Variants in PDE10A observed in about 807,000 individuals in gnomAD.
PDE10A encodes the protein phosphodiesterase 10A.
A neutral mutation model predicts 97.7 loss-of-function variants in PDE10A; 39 were observed. The ratio of observed to expected loss-of-function variants is 0.40; its 90% CI spans 0.31 to 0.52. The LOEUF is 0.52. Among genes scored for constraint, PDE10A ranks in the 20% least tolerant of loss-of-function variants. The pLI, the probability that PDE10A is intolerant of heterozygous loss-of-function variation, is 0.56. For synonymous variants in PDE10A, 371 were observed against 376.8 expected, an observed-to-expected ratio of 0.98 and a Z score of 0.18; for missense variants, 731 against 1,047.8, an observed-to-expected ratio of 0.70 and a Z score of 4.17.
chr6:165,724,252 G>A (rs1792236072), intron 1 of PDE10A, among the ~76,000 whole-genome samples: 1 of 152,188 alleles, frequency 6.6e-6, no homozygotes, highest in African/African-American at 2.4e-5. Context: ...AAGTCAACTA[G>A]TCTAACCCCT....
At chr6:165,335,870 C>G (rs1781612472) in intron 21 of PDE10A, among the ~76,000 whole-genome samples, 1 of 152,028 alleles carries the variant, frequency 6.6e-6, no homozygotes, top group Admixed American at 6.6e-5. Context: ...CTGTCCCTCT[C>G]TTCAGAGTGT....
intron 1 of PDE10A, among the ~76,000 whole-genome samples, chr6:165,956,627 T>A (rs980102466): frequency 6.6e-6 from 1 of 152,214 alleles, no homozygotes. Flanking sequence ...TCTTTTAAGT[T>A]AAACCTGTGA....
chr6:165,588,314 G>C (rs1477306215), intron 1 of PDE10A, among the ~76,000 whole-genome samples: 2 of 104,804 alleles, frequency 1.9e-5, no homozygotes, highest in African/African-American at 7.4e-5. Flanking sequence ...TTTTGAGATG[G>C]AGTTTTGCTC....
At chr6:165,746,062 A>G (rs1792836663) in intron 1 of PDE10A, among the ~76,000 whole-genome samples, 1 of 152,234 alleles carries the variant, frequency 6.6e-6, no homozygotes, top group Non-Finnish European at 1.5e-5. Context: ...GTGAATGGAT[A>G]CACATATGTG....
Position 165,861,358 on chromosome 6 carries a change from A to C in PDE10A, c.-615+126171T>G, listed in dbSNP as rs1447141505. 2.0e-5 allele frequency among the ~76,000 whole-genome samples: 3 copies of C among 151,774 alleles called. No homozygotes were observed. The East Asian group carries it at 5.8e-4, about 30-fold the overall frequency. ...ACATTCCAGTGGGAAGACAATGAGC[A>C]GATAGTAAAACAAGGACACAGCTTG... On this transcript the variant is annotated intron_variant, in intron 1 of 19. Transcript: ENST00000366882.
In PDE10A at chr6:165,503,187, C is replaced by A. The variant is rs548156953; in HGVS notation, c.995-20844G>T. On this transcript the variant is annotated intron_variant, in intron 2 of 21. Transcript: ENST00000539869. ...CTTCAACACCAGCTGAGGGCAGCAG[C>A]AGGGGAGATGTTCACGTGTCCCTCA... 1.1e-4 allele frequency among the ~76,000 whole-genome samples: 17 copies of A among 152,222 alleles called. No homozygotes were observed. The East Asian group carries it at 2.7e-3, about 24-fold the overall frequency.
At chr6:165,834,490 C>T (rs987547020) in intron 1 of PDE10A, among the ~76,000 whole-genome samples, 1 of 152,148 alleles carries the variant, frequency 6.6e-6, no homozygotes, top group Non-Finnish European at 1.5e-5. Flanking sequence ...CGATCAGAGC[C>T]CAGGTGTGTT....
intron 1 of PDE10A, among the ~76,000 whole-genome samples, chr6:165,901,155 C>T (rs554645798): frequency 1.3e-5 from 2 of 152,320 alleles, no homozygotes; most frequent in African/African-American, 4.8e-5. Flanking sequence ...TTGGAAGCCC[C>T]TCATCTATCA....
At chr6:165,433,319 C>G (rs1473282396) in intron 6 of PDE10A, among the ~76,000 whole-genome samples, 190 bp from the exon 7 acceptor site, 9 of 152,076 alleles carry the variant, frequency 5.9e-5, no homozygotes, top group Non-Finnish European at 5.9e-5. Context: ...GGAACTTATA[C>G]CCAAATACTG....
At chr6:165,949,985 G>A (rs1194149763) in intron 1 of PDE10A, 2 of 152,078 alleles carry the variant, frequency 1.3e-5, no homozygotes, top group Non-Finnish European at 2.9e-5. Context: ...ACATGAGGAG[G>A]AACAAGAATG....
chr6:165,465,945 G>A (rs1490203756), intron 3 of PDE10A, among the ~76,000 whole-genome samples: 1 of 146,150 alleles, frequency 6.8e-6, no homozygotes, highest in African/African-American at 2.4e-5. Context: ...GAAACTGCAG[G>A]AGGAAGTACT....
chr6:165,580,831 A>C (rs1562599600), intron 1 of PDE10A, among the ~76,000 whole-genome samples: 1 of 152,056 alleles, frequency 6.6e-6, no homozygotes, highest in Non-Finnish European at 1.5e-5. Flanking sequence ...TCTCCTACCC[A>C]ACGAGAAAGA....
intron 3 of PDE10A, among the ~76,000 whole-genome samples, chr6:165,465,573 A>G (rs571926078): frequency 5.3e-4 from 81 of 152,310 alleles, no homozygotes; most frequent in African/African-American, 1.9e-3. Context: ...TTATAAAGAA[A>G]AGAGGTTTAG....
chr6:165,691,107 C>CTCTCT lies in PDE10A; in HGVS notation c.-614-147540_-614-147539insAGAGA, dbSNP rs1554305960. Among the ~76,000 whole-genome samples the CTCTCT allele has an allele frequency of 2.7e-3, 36 of 13,408 alleles. 4 individuals are homozygous for CTCTCT. The highest frequency in any genetic ancestry group is 5.1e-3 in the Non-Finnish European group (22 of 4,298). The allele number at this position is 13,408 out of a possible 152,430, so 8.8% of individuals were successfully genotyped here. A position where few individuals can be genotyped will look rare whatever the true frequency, so the allele number is the denominator to read the frequency against. On this transcript the variant is annotated intron_variant, in intron 1 of 19. Transcript: ENST00000366882. ...TCTCTCTCTCTCTCTCTTTCTCTCT[C>CTCTCT]CCCCCCCCCATCAGTGCCTGTGGTC... is the stretch of plus-strand genomic sequence containing the variant.
Position 165,944,767 on chromosome 6 carries a change from C to T in PDE10A, c.-615+42762G>A, listed in dbSNP as rs149264956. 1.7e-3 allele frequency among the ~76,000 whole-genome samples: 252 copies of T among 152,230 alleles called. 1 individual carries two copies. Among genetic ancestry groups the T allele is most frequent in the African/African-American group, 5.9e-3 (243 of 41,528 alleles). ...TTCAAAGAGCTGGTTGGATTCCCAA[C>T]TCTGTGTTTAGTGATGTCATATAAA... is the stretch of plus-strand genomic sequence containing the variant. On this transcript the variant is annotated intron_variant, in intron 1 of 19. Coordinates refer to the PDE10A transcript ENST00000366882.
intron 18 of PDE10A, among the ~76,000 whole-genome samples, chr6:165,375,589 C>T (rs537982691): frequency 6.6e-5 from 10 of 152,242 alleles, no homozygotes; most frequent in Admixed American, 3.9e-4. Flanking sequence ...ACTAAGATAA[C>T]GGATGAAGGT....
At chr6:165,683,925 C>T (rs574464265) in intron 1 of PDE10A, among the ~76,000 whole-genome samples, 10 of 152,326 alleles carry the variant, frequency 6.6e-5, no homozygotes, top group African/African-American at 2.4e-4. Flanking sequence ...GCCACACCAC[C>T]TCCTGGCTAT....
rs531264247 is a variant in PDE10A at position 165,717,590 on chromosome 6, A to T, written c.-614-174022T>A. 4.4e-4 allele frequency among the ~76,000 whole-genome samples: 67 copies of T among 152,130 alleles called. 1 individual carries two copies. Among genetic ancestry groups the T allele is most frequent in the African/African-American group, 1.6e-3 (66 of 41,490 alleles). On this transcript the variant is annotated intron_variant, in intron 1 of 19. Transcript: ENST00000366882. Reference sequence around the variant, plus strand: ...CAGAGAGAGACTCCGTCTCAAAAAAAAAAAAGTGTATAAATGTCATTTTGA... The same window carrying T: ...CAGAGAGAGACTCCGTCTCAAAAAATAAAAAGTGTATAAATGTCATTTTGA...
rs536810935 is a variant in PDE10A, at chr6:165,634,075, C to T, written c.865+27872G>A. Among the ~76,000 whole-genome samples the T allele has an allele frequency of 2.6e-5, 4 of 152,220 alleles. No homozygotes were observed. The East Asian group carries it at 5.8e-4, about 22-fold the overall frequency. ...GTGCAACAGAATCACCTCGCGATGACTGACAAGCTGCGGGCCCCTCCCTCA... is the reference window on the plus strand; with the variant it reads ...GTGCAACAGAATCACCTCGCGATGATTGACAAGCTGCGGGCCCCTCCCTCA... On this transcript the variant is annotated intron_variant, in intron 1 of 21. Coordinates refer to ENST00000539869, the MANE Select transcript of PDE10A (RefSeq NM_001385079.1).
Sources: gnomAD v4.1 joint callset for allele counts (sites outside exome capture counted in the v4.1 genomes callset) on GRCh38, gnomAD v4.1.1 for gene constraint, MANE v1.5 for transcripts, NCBI Gene and HGNC (gene_info 2026-07-23, HGNC 2026-07-21) for gene names.